The following AGBL4 variants were observed in gnomAD, a reference collection of about 807,000 sequenced individuals.
AGBL4 encodes cytosolic carboxypeptidase 6.
A neutral mutation model predicts 66.4 loss-of-function variants in AGBL4; 58 were observed. The ratio of observed to expected loss-of-function variants is 0.87; its 90% confidence interval spans 0.71 to 1.09. The LOEUF (loss-of-function observed/expected upper bound fraction) is 1.09. AGBL4 is among the 50% of genes least tolerant of loss of function. The pLI, the probability that AGBL4 is intolerant of heterozygous loss-of-function variation, is 0.00. For missense variants in AGBL4, 579 were observed against 631.0 expected, an observed-to-expected ratio of 0.92 and a Z score of 0.88; for synonymous variants, 234 against 222.9, an observed-to-expected ratio of 1.05 and a Z score of -0.44.
At chr1:49,076,327 A>T (rs1644709089) in intron 4 of AGBL4, among the ~76,000 whole-genome samples, 1 of 152,186 alleles carries the variant, frequency 6.6e-6, no homozygotes, top group South Asian at 2.1e-4. Context: ...TCATTTCAAG[A>T]TTACTTGTAA....
rs200549272 is a variant in AGBL4, at chr1:48,859,808, G to T, written c.634+7383C>A. ...TCTTATTCTAGGAATTTTTCCTAAA[G>T]AAATAGTTAGAGATATAGACCAAAA... is the stretch of plus-strand genomic sequence containing the variant. On this transcript the variant is annotated intron_variant, in intron 6 of 13. Coordinates refer to ENST00000371839, the MANE Select transcript of AGBL4 (RefSeq NM_032785.4). Among the ~76,000 whole-genome samples, 11 of 152,278 alleles carry T rather than the reference G, an allele frequency of 7.2e-5. No individual in the cohort carries two copies. The East Asian group carries it at 2.1e-3, about 29-fold the overall frequency.
chr1:48,681,117 C>T (rs1347964191), intron 6 of AGBL4, among the ~76,000 whole-genome samples: 1 of 152,218 alleles, frequency 6.6e-6, no homozygotes, highest in Non-Finnish European at 1.5e-5. Flanking sequence ...CTGGCTAGAA[C>T]ACCAATACTT....
intron 5 of AGBL4, among the ~76,000 whole-genome samples, chr1:48,904,261 A>G (rs1039611272): frequency 6.6e-6 from 1 of 152,178 alleles, no homozygotes; most frequent in Non-Finnish European, 1.5e-5. Flanking sequence ...CCTGGGTGAG[A>G]GAGACTCCAT....
chr1:49,002,042 G>A (rs1007918376), intron 5 of AGBL4, among the ~76,000 whole-genome samples: 1 of 152,190 alleles, frequency 6.6e-6, no homozygotes, highest in African/African-American at 2.4e-5. Flanking sequence ...CTAGGACATA[G>A]CTAGAGTGTA....
rs1035053531 is a variant in AGBL4, at chr1:49,601,042, T to C, written c.282+96271A>G. Among the ~76,000 whole-genome samples the C allele has an allele frequency of 5.3e-5, 8 of 152,314 alleles. No individual in the cohort carries two copies. In the South Asian group the frequency reaches 1.7e-3, roughly 32 times the overall value. On this transcript the variant is annotated intron_variant, in intron 3 of 13. Coordinates refer to ENST00000371839, the MANE Select transcript of AGBL4 (RefSeq NM_032785.4). ...TCCTTTTTAGGTAACCTGACCTTTC[T>C]CTCTGGCTGCCCTTAACATTTTTTC... is the stretch of plus-strand genomic sequence containing the variant.
At chr1:49,644,398 A>C (rs1578800) in intron 3 of AGBL4, among the ~76,000 whole-genome samples, 1 of 151,452 alleles carries the variant, frequency 6.6e-6, no homozygotes, top group Admixed American at 6.6e-5. Flanking sequence ...ACTAGGTACT[A>C]TTTATTAGAA....
intron 5 of AGBL4, among the ~76,000 whole-genome samples, chr1:49,007,996 C>A (rs1662010283): frequency 6.6e-6 from 1 of 152,106 alleles, no homozygotes; most frequent in South Asian, 2.1e-4. Context: ...CAGCTAACAT[C>A]ATCATGACAG....
chr1:49,489,551 T>C (rs769732984), intron 3 of AGBL4, among the ~76,000 whole-genome samples: 2 of 151,908 alleles, frequency 1.3e-5, no homozygotes, highest in African/African-American at 4.8e-5. Context: ...TGATCCAATT[T>C]GTCCATTTTT....
At chr1:48,986,953 T>C (rs1398510427) in intron 5 of AGBL4, among the ~76,000 whole-genome samples, 1 of 151,988 alleles carries the variant, frequency 6.6e-6, no homozygotes, top group Non-Finnish European at 1.5e-5. Context: ...CTACATAAGC[T>C]ACAAAAATAA....
At chr1:49,391,788 C>T (rs1644856884) in intron 3 of AGBL4, among the ~76,000 whole-genome samples, 1 of 151,934 alleles carries the variant, frequency 6.6e-6, no homozygotes, top group Non-Finnish European at 1.5e-5. Flanking sequence ...GTCTTGATCT[C>T]CTGACCTCGT....
Position 49,237,359 on chromosome 1 carries a change from CT to C in AGBL4, c.377+8410del, listed in dbSNP as rs1256728419. Among the ~76,000 whole-genome samples the C allele has an allele frequency of 1.1e-4, 17 of 151,562 alleles. 1 individual carries two copies. The highest frequency in any genetic ancestry group is 3.6e-4 in the African/African-American group (15 of 41,134). ...TCCATGTAAGATATGACTTGCTCTT[CT>C]TTGTCTTCCACCATGATTGTGAGGC... On this transcript the variant is annotated intron_variant, in intron 4 of 13. Transcript: ENST00000371839.
At chr1:49,040,995 T>A (rs1643926005) in intron 5 of AGBL4, among the ~76,000 whole-genome samples, 1 of 152,122 alleles carries the variant, frequency 6.6e-6, no homozygotes, top group Non-Finnish European at 1.5e-5. Flanking sequence ...TTATCTTAAA[T>A]GGCAGATCAC....
chr1:49,336,440 C>G (rs1645438786), intron 3 of AGBL4, among the ~76,000 whole-genome samples: 2 of 152,232 alleles, frequency 1.3e-5, no homozygotes, highest in African/African-American at 4.8e-5. Flanking sequence ...CAGAAACACT[C>G]TCACGGACAC....
chr1:49,126,979 G>A (rs1326653351), intron 4 of AGBL4, among the ~76,000 whole-genome samples: 5 of 152,134 alleles, frequency 3.3e-5, no homozygotes, highest in African/African-American at 1.2e-4. Context: ...ACATTCAAAA[G>A]CACATTCAAA....
chr1:48,656,331 C>T (rs114266507), intron 7 of AGBL4, among the ~76,000 whole-genome samples: 1,878 of 152,302 alleles, frequency 0.012, 43 homozygotes, highest in African/African-American at 0.043. Context: ...TGCTTATAAA[C>T]GCCTATTGAT....
At chr1:49,124,986 T>TTGTTCTCAG (rs1645736255) in intron 4 of AGBL4, among the ~76,000 whole-genome samples, 1 of 152,176 alleles carries the variant, frequency 6.6e-6, no homozygotes, top group African/African-American at 2.4e-5. Context: ...ACCCCAAAGT[T>TTGTTCTCAG]TGTTCTCAGT....
intron 6 of AGBL4, among the ~76,000 whole-genome samples, chr1:48,740,851 G>A (rs772013443): frequency 2.6e-5 from 4 of 152,226 alleles, no homozygotes; most frequent in Non-Finnish European, 4.4e-5. Flanking sequence ...TTTCCAGTGC[G>A]TCCACTTCCT....
At chr1:49,880,913 A>C (rs1647230546) in intron 1 of AGBL4, among the ~76,000 whole-genome samples, 1 of 151,846 alleles carries the variant, frequency 6.6e-6, no homozygotes, top group Non-Finnish European at 1.5e-5. Flanking sequence ...GGTGGGAGTG[A>C]CCCGATTTTC....
At chr1:48,702,938 G>A (rs560915793) in intron 6 of AGBL4, among the ~76,000 whole-genome samples, 11 of 152,180 alleles carry the variant, frequency 7.2e-5, no homozygotes, top group Admixed American at 2.6e-4. Flanking sequence ...ATCTGGAGAT[G>A]CACATCCCAC....
Sources: gnomAD v4.1 joint callset for allele counts (sites outside exome capture counted in the v4.1 genomes callset) on GRCh38, gnomAD v4.1.1 for gene constraint, MANE v1.5 for transcripts, NCBI Gene and HGNC (gene_info 2026-07-23, HGNC 2026-07-21) for gene names.